The following ANK2 variants were observed in gnomAD, a reference collection of about 807,000 sequenced individuals.
The protein encoded by ANK2 is ankyrin 2, also known as ankyrin-2.
ANK2 carries 83 observed loss-of-function variants against 360.5 expected under a neutral mutation model. The ratio of observed to expected loss-of-function variants is 0.23; its 90% CI spans 0.19 to 0.28. ANK2 has a LOEUF of 0.28. Among genes scored for constraint, ANK2 ranks in the 10% least tolerant of loss-of-function variants. ANK2 has a pLI of 1.00. For missense variants in ANK2, 4,201 were observed against 4,795.7 expected (o/e 0.88, Z 3.66); for synonymous variants, 1,740 against 1,759.5 (o/e 0.99, Z 0.28).
intron 1 of ANK2, among the ~76,000 whole-genome samples, chr4:113,121,350 A>T (rs1229870939): frequency 1.3e-5 from 2 of 152,164 alleles, no homozygotes; most frequent in Non-Finnish European, 2.9e-5. Context: ...TTGTACCTAC[A>T]CTGGGTGTAG....
chr4:112,860,228 C>T (rs1560824946), intron 1 of ANK2, among the ~76,000 whole-genome samples: 1 of 151,392 alleles, frequency 6.6e-6, no homozygotes, highest in South Asian at 2.1e-4. Context: ...AAAAAAAATT[C>T]TTTTTTTTTC....
At chr4:112,761,548 A>C in the ANK2 span, among the ~76,000 whole-genome samples, 1 of 152,170 alleles carries the variant, frequency 6.6e-6, no homozygotes, top group South Asian at 2.1e-4. Context: ...TGAACCAGGG[A>C]GGCGGAGGTT....
intron 7 of ANK2, among the ~76,000 whole-genome samples, chr4:113,238,006 G>T (rs556008502): frequency 3.5e-4 from 54 of 152,162 alleles, no homozygotes; most frequent in Non-Finnish European, 6.6e-4. Context: ...CTGCCACTGA[G>T]TTTTGTCTTT....
At chr4:113,145,570 C>A (rs2096797099) in intron 1 of ANK2, 3 of 1,017,558 alleles carry the variant, frequency 2.9e-6, no homozygotes, top group African/African-American at 1.7e-5. Context: ...GTCTGCCTCA[C>A]CCCCCTCACT....
chr4:112,797,953 G>A, the ANK2 span: 4 of 158,328 alleles, frequency 2.5e-5, no homozygotes, highest in Admixed American at 2.6e-4. Context: ...AGAGGAGTCT[G>A]AGGTTGAGGA....
At chr4:112,964,256 G>A (rs2036182428) in intron 2 of ANK2, among the ~76,000 whole-genome samples, 1 of 151,022 alleles carries the variant, frequency 6.6e-6, no homozygotes, top group Non-Finnish European at 1.5e-5. Context: ...TACTCTTTTA[G>A]TTCTTTAAAA....
chr4:113,263,206 AAAG>A (rs1181319888), intron 13 of ANK2, among the ~76,000 whole-genome samples: 1 of 151,280 alleles, frequency 6.6e-6, no homozygotes, highest in Non-Finnish European at 1.5e-5. Context: ...AAAAAAAAAA[AAAG>A]AAGATCTTAG....
chr4:113,110,728 C>T (rs2094201213), intron 1 of ANK2, among the ~76,000 whole-genome samples: 1 of 152,060 alleles, frequency 6.6e-6, no homozygotes, highest in African/African-American at 2.4e-5. Flanking sequence ...GCTATTGAAA[C>T]ATGTTTTATA....
rs945554953 is a variant in ANK2 at position 112,826,286 on chromosome 4, T to C, written c.-40+8022T>C. 6.9e-6 allele frequency: 4 copies of C among 577,364 alleles called. No individual in the cohort carries two copies. In the Admixed American group the frequency reaches 1.3e-4, roughly 19 times the overall value. The allele number at this position is 577,364 out of a possible 1,614,324, so 35.8% of individuals were successfully genotyped here. A position where few individuals can be genotyped will look rare whatever the true frequency, so the allele number is the denominator to read the frequency against. On this transcript the variant is annotated intron_variant, in intron 1 of 30. Transcript: ENST00000503271. ...TGTTACTATTTTGACTATAAATTTC[T>C]ATAGAGTTGTGTAGTCTGTTTTGCT...
At chr4:112,753,044 G>C in the ANK2 span, among the ~76,000 whole-genome samples, 1 of 152,146 alleles carries the variant, frequency 6.6e-6, no homozygotes, top group Non-Finnish European at 1.5e-5. Context: ...TGCTGTTCAG[G>C]AACCTGACAA....
the ANK2 span, among the ~76,000 whole-genome samples, chr4:112,743,144 A>G: frequency 6.6e-6 from 1 of 152,206 alleles, no homozygotes; most frequent in East Asian, 1.9e-4. Flanking sequence ...AGCTTCTTCT[A>G]CAGGCTGACC....
chr4:112,722,280 ACT>A, the ANK2 span, among the ~76,000 whole-genome samples: 2 of 152,018 alleles, frequency 1.3e-5, no homozygotes, highest in Non-Finnish European at 2.9e-5. Flanking sequence ...TGCCTCACTA[ACT>A]CTCTCTGCAA....
At chr4:112,766,089 C>G in the ANK2 span, among the ~76,000 whole-genome samples, 1 of 152,106 alleles carries the variant, frequency 6.6e-6, no homozygotes, top group African/African-American at 2.4e-5. Flanking sequence ...AATTCCAGCA[C>G]TTTGGGAGGC....
the ANK2 span, among the ~76,000 whole-genome samples, chr4:112,707,188 A>G: frequency 6.6e-6 from 1 of 152,232 alleles, no homozygotes; most frequent in East Asian, 1.9e-4. Flanking sequence ...AATGCCCAAC[A>G]GAATGGTCTT....
intron 1 of ANK2, among the ~76,000 whole-genome samples, chr4:113,077,924 A>G (rs1019806443): frequency 2.0e-5 from 3 of 152,236 alleles, no homozygotes; most frequent in Admixed American, 6.5e-5. Flanking sequence ...GCTTCTGCTC[A>G]GGCAGTAAAT....
At chr4:113,310,183 T>C (rs1001080114) in intron 23 of ANK2, among the ~76,000 whole-genome samples, 2 of 152,216 alleles carry the variant, frequency 1.3e-5, no homozygotes, top group African/African-American at 2.4e-5. Context: ...TTGTGGATTT[T>C]TAAGGACCAA....
At chr4:113,016,648 A>G (rs924100401) in intron 2 of ANK2, among the ~76,000 whole-genome samples, 3 of 152,060 alleles carry the variant, frequency 2.0e-5, no homozygotes, top group Non-Finnish European at 4.4e-5. Context: ...CTCCCCCAAC[A>G]TAAGTTTTGT....
intron 1 of ANK2, among the ~76,000 whole-genome samples, chr4:112,821,427 T>C (rs938381630): frequency 2.6e-5 from 4 of 152,180 alleles, no homozygotes; most frequent in Admixed American, 6.5e-5. Flanking sequence ...TTGTGGGTCA[T>C]GTGATGAGAT....
chr4:113,364,466 T>G (rs1320386832), intron 40 of ANK2, among the ~76,000 whole-genome samples: 2 of 152,232 alleles, frequency 1.3e-5, no homozygotes, highest in Non-Finnish European at 2.9e-5. Context: ...ATAACAGCCC[T>G]CACTTCTAAC....
Sources: gnomAD v4.1 joint callset for allele counts (sites outside exome capture counted in the v4.1 genomes callset) on GRCh38, gnomAD v4.1.1 for gene constraint, MANE v1.5 for transcripts, NCBI Gene and HGNC (gene_info 2026-07-23, HGNC 2026-07-21) for gene names.